AXIN2: variants seen among roughly 807,000 people sequenced by gnomAD.
The protein encoded by AXIN2 is axin 2, also known as axin-2.
A neutral mutation model predicts 74.7 loss-of-function variants in AXIN2; 21 were observed. The observed-to-expected ratio is 0.28, with a 90% confidence interval of 0.20 to 0.40. The LOEUF is 0.40. Ranked by LOEUF, AXIN2 falls within the 10% of genes least tolerant of loss-of-function variation. AXIN2 has a pLI of 1.00. For synonymous variants in AXIN2, 532 were observed against 454.9 expected (o/e 1.17, Z -2.16); for missense variants, 1,144 against 1,111.1 (o/e 1.03, Z -0.42).
In AXIN2 at chr17:65,537,540, A is replaced by G. The variant is rs781185996; in HGVS notation, c.1496T>C (p.Leu499Pro). The G allele has an allele frequency of 6.2e-7, 1 of 1,612,826 alleles. No homozygotes were observed. Among genetic ancestry groups the G allele is most frequent in the Admixed American group, 1.7e-5 (1 of 59,990 alleles). The change falls in exon 6 of 11, where the codon CTC becomes CCC. Residue 499 changes from leucine (L) to proline (P), a missense_variant. Transcript: ENST00000307078. ...PAAASPGACP[L>P]LGGKGFVTKQ... is the part of the protein sequence containing the mutation. The stretch of plus-strand genomic sequence containing the variant: ...GGTCACAAAGCCTTTGCCCCCGAGG[A>G]GGGGGCAGGCGCCCGGCGAGGCGGC...
chr17:65,532,180 G>T (rs2043832819), intron 10 of AXIN2, among the ~76,000 whole-genome samples: 1 of 152,008 alleles, frequency 6.6e-6, no homozygotes, highest in Non-Finnish European at 1.5e-5. Context: ...GGAGGCCAGG[G>T]CTTCAAAGCC....
intron 2 of AXIN2, among the ~76,000 whole-genome samples, chr17:65,552,144 T>C (rs961092482): frequency 6.6e-6 from 1 of 151,358 alleles, no homozygotes; most frequent in South Asian, 2.1e-4. Flanking sequence ...CAGAGAGGAG[T>C]GGTGAGAGTA....
At chr17:65,551,647 GGA>G (rs2044195304) in intron 2 of AXIN2, among the ~76,000 whole-genome samples, 1 of 152,198 alleles carries the variant, frequency 6.6e-6, no homozygotes, top group South Asian at 2.1e-4. Flanking sequence ...AAAGAAGGTA[GGA>G]GAGGCAGTCT....
At chr17:65,551,256 CA>C (rs1189411112) in intron 2 of AXIN2, among the ~76,000 whole-genome samples, 9 of 151,514 alleles carry the variant, frequency 5.9e-5, no homozygotes, top group Non-Finnish European at 1.3e-4. Flanking sequence ...AGATGGGACT[CA>C]TGGTTGAGCA....
chr17:65,530,168 A>C, intron 10 of AXIN2, 66 bp from the exon 11 acceptor site: 1 of 1,602,404 alleles, frequency 6.2e-7, no homozygotes, highest in Non-Finnish European at 8.5e-7. Flanking sequence ...AAAGAAAAGC[A>C]TACCAACATG....
intron 2 of AXIN2, among the ~76,000 whole-genome samples, chr17:65,555,439 CA>C (rs1393359366): frequency 6.6e-6 from 1 of 152,110 alleles, no homozygotes; most frequent in African/African-American, 2.4e-5. Context: ...GCATGGGGGT[CA>C]GGGGGCCACT....
rs56248738 is a variant in AXIN2 at position 65,538,103 on chromosome 17, C to T, written c.1200+100G>A. 79,096 of 1,580,712 alleles carry T rather than the reference C, an allele frequency of 0.05. 2,180 individuals carry two copies. Among genetic ancestry groups the T allele is most frequent in the Non-Finnish European group, 0.058 (66,858 of 1,162,592 alleles). On this transcript the variant is annotated intron_variant, in intron 5 of 10. Transcript: ENST00000307078. The stretch of plus-strand genomic sequence containing the variant: ...CCCACGCGCATGCGCATGCAACCCA[C>T]GCACATGCGCACACCCTAACGCACC...
Position 65,561,493 on chromosome 17 carries a change from G to T in AXIN2, c.-160C>A, listed in dbSNP as rs1160362189. On this transcript the variant is annotated 5_prime_UTR_variant, in exon 1 of 11. Transcript: ENST00000307078. The stretch of plus-strand genomic sequence containing the variant: ...CGGCGGGCGCCTCGGCCGCCGGGCG[G>T]CCCCGAAATCCATCGCTCTGAGGGG... The T allele has an allele frequency of 6.7e-6, 1 of 150,316 alleles. No individual in the cohort carries two copies. Among genetic ancestry groups the T allele is most frequent in the African/African-American group, 2.4e-5 (1 of 41,300 alleles). 9.3% of individuals were successfully genotyped at this position (150,316 alleles called of 1,614,324 possible).
intron 3 of AXIN2, among the ~76,000 whole-genome samples, chr17:65,545,011 GTCC>G (rs2144517103): frequency 6.6e-6 from 1 of 152,268 alleles, no homozygotes; most frequent in African/African-American, 2.4e-5. Context: ...ATTTCCTGGT[GTCC>G]AAAGTAAACC....
rs765286657 is a variant in AXIN2 at position 65,549,503 on chromosome 17, G to C, written c.956+17C>G. Reference sequence around the variant, plus strand: ...CACTCCCAAGCAAGCCCACGGAAGGGTGGCCAGGATACTCACACACTGCTG... The same window carrying C: ...CACTCCCAAGCAAGCCCACGGAAGGCTGGCCAGGATACTCACACACTGCTG... On this transcript the variant is annotated intron_variant, in intron 3 of 10. Coordinates refer to ENST00000307078, the MANE Select transcript of AXIN2 (RefSeq NM_004655.4). 13 of 1,612,200 alleles carry C rather than the reference G, an allele frequency of 8.1e-6. No homozygotes were observed. Among genetic ancestry groups the C allele is most frequent in the Non-Finnish European group, 1.1e-5 (13 of 1,179,334 alleles).
At chr17:65,534,846 C>T (rs1352408599) in intron 9 of AXIN2, among the ~76,000 whole-genome samples, 1 of 152,170 alleles carries the variant, frequency 6.6e-6, no homozygotes, top group African/African-American at 2.4e-5. Flanking sequence ...AGGAGAACTG[C>T]CTGAACCCAG....
rs1229801064 is a variant in AXIN2 at position 65,557,816 on chromosome 17, T to C, written c.805A>G (p.Ser269Gly). The C allele has an allele frequency of 6.2e-7, 1 of 1,614,226 alleles. No individual in the cohort carries two copies. The highest frequency in any genetic ancestry group is 1.6e-4 in the Middle Eastern group (1 of 6,062). ...ASVRSTETVDSGYRSFKRSDP... is the reference protein window; with the variant it reads ...ASVRSTETVDGGYRSFKRSDP... ...CCGTCAAAGTCTTACCTGTATCCAC[T>C]GTCAACAGTTTCCGTGGACCTCACA... Residue 269 changes from serine to glycine, a missense_variant, in exon 2 of 11, where the codon AGT (serine) becomes GGT (glycine). Ser to Gly is a moderately conservative substitution (Grantham distance 56, BLOSUM62 0). Transcript: ENST00000307078.
chr17:65,553,163 A>G (rs1397545040), intron 2 of AXIN2, among the ~76,000 whole-genome samples: 1 of 152,250 alleles, frequency 6.6e-6, no homozygotes, highest in South Asian at 2.1e-4. Flanking sequence ...GTCCTGTGAA[A>G]CCAGACTGTA....
intron 3 of AXIN2, among the ~76,000 whole-genome samples, chr17:65,546,107 C>T (rs2044115070): frequency 6.6e-6 from 1 of 150,962 alleles, no homozygotes; most frequent in African/African-American, 2.4e-5. Context: ...CAGCCCCCCT[C>T]CCCAGCCCCT....
At chr17:65,542,374 A>G (rs190611022) in intron 3 of AXIN2, among the ~76,000 whole-genome samples, 1 of 152,368 alleles carries the variant, frequency 6.6e-6, no homozygotes, top group East Asian at 1.9e-4. Context: ...CTTGAAGTTT[A>G]CATTCTAATG....
chr17:65,537,169 C>G (rs2043940417), intron 6 of AXIN2, 106 bp from the exon 7 acceptor site: 4 of 1,536,992 alleles, frequency 2.6e-6, no homozygotes, highest in Non-Finnish European at 3.5e-6. Context: ...CACGAAAGAC[C>G]CATGCACCTG....
At position 65,536,320 on chromosome 17, in the gene AXIN2, C is replaced by T. The variant is rs762872515; in HGVS notation, c.2141G>A (p.Arg714Gln). The T allele has an allele frequency of 5.6e-6, 9 of 1,607,998 alleles. No homozygotes were observed. Among genetic ancestry groups the T allele is most frequent in the South Asian group, 3.3e-5 (3 of 90,018 alleles). The change falls in exon 8 of 11, where the codon CGG becomes CAG. Residue 714 changes from arginine (R) to glutamine (Q), a missense_variant and splice_region_variant. Transcript: ENST00000307078. ...CCTAGGACCCTTCACTTCCACTCACCGCTGCTTTGGGGGCTTCGACACCTC... is the reference window on the plus strand; with the variant it reads ...CCTAGGACCCTTCACTTCCACTCACTGCTGCTTTGGGGGCTTCGACACCTC... Reference protein sequence around the residue: ...LAEVSKPPKQRCCVASQQRDR... With the variant: ...LAEVSKPPKQQCCVASQQRDR...
intron 7 of AXIN2, 65 bp from the exon 8 acceptor site, chr17:65,536,618 G>T (rs879142564): frequency 6.4e-7 from 1 of 1,566,878 alleles, no homozygotes; most frequent in East Asian, 2.2e-5. Context: ...ACTGGAAAAT[G>T]TGACTTCAAT....
intron 8 of AXIN2, 88 bp downstream of exon 8, chr17:65,536,232 A>G (rs2043911640): frequency 3.7e-6 from 5 of 1,364,652 alleles, no homozygotes; most frequent in Non-Finnish European, 5.1e-6. Context: ...ACCCAGGCAG[A>G]AAGAGAGGCC....
Sources: gnomAD v4.1 joint callset for allele counts (sites outside exome capture counted in the v4.1 genomes callset) on GRCh38, gnomAD v4.1.1 for gene constraint, MANE v1.5 for transcripts, NCBI Gene and HGNC (gene_info 2026-07-23, HGNC 2026-07-21) for gene names.